AGRN: variants seen among roughly 807,000 people sequenced by gnomAD.
AGRN encodes agrin proteoglycan.
In AGRN, 106 loss-of-function variants were observed where a neutral mutation model predicts 211.0. That is an observed-to-expected ratio of 0.50 (90% CI 0.43 to 0.59). The LOEUF (loss-of-function observed/expected upper bound fraction) is 0.59. Ranked by LOEUF, AGRN falls within the 20% of genes least tolerant of loss-of-function variation. The probability of loss-of-function intolerance (pLI) is 0.00; values close to 1 mark genes in which losing one functional copy is unlikely to be tolerated. For missense variants in AGRN, 3,040 were observed against 2,982.6 expected (o/e 1.02, Z -0.45); for synonymous variants, 1,525 against 1,332.5 (o/e 1.14, Z -3.15).
At position 1,040,802 on chromosome 1, in the gene AGRN, T is replaced by C; in HGVS notation, c.649T>C (p.Tyr217His). The change falls in exon 4 of 36, where the codon TAC (tyrosine) becomes CAC (histidine). Residue 217 changes from tyrosine (Y) to histidine (H), a missense_variant. Tyr to His is a moderately conservative substitution (Grantham distance 83, BLOSUM62 2). Around this residue, in one of 3 missense-constraint regions of AGRN, gnomAD observed 1,498 missense variants for 1,457.8 expected, o/e 1.03. Coordinates refer to ENST00000379370, the MANE Select transcript of AGRN (RefSeq NM_198576.4). ...TGTGTGTGGGTCGGACGCCTCCACC[T>C]ACAGCAACGAATGCGAGCTGCAGCG... ...APVCGSDAST[Y>H]SNECELQRAQ... is the part of the protein sequence containing the mutation. 1 of 1,538,790 alleles carries C rather than the reference T, an allele frequency of 6.5e-7. No individual in the cohort carries two copies. Among genetic ancestry groups the C allele is most frequent in the Non-Finnish European group, 8.7e-7 (1 of 1,147,876 alleles).
chr1:1,022,117 C>T, intron 1 of AGRN, 84 bp from the exon 2 acceptor site: 1 of 1,544,666 alleles, frequency 6.5e-7, no homozygotes, highest in South Asian at 1.1e-5. Flanking sequence ...CTACTGTGGA[C>T]ATTTGCCCTA....
intron 2 of AGRN, among the ~76,000 whole-genome samples, chr1:1,026,768 C>G (rs969545214): frequency 1.3e-5 from 2 of 152,168 alleles, no homozygotes; most frequent in Admixed American, 6.5e-5. Flanking sequence ...ACCCCGGGGT[C>G]CCAGGAGGTG....
At chr1:1,029,627 G>A (rs1292399142) in intron 2 of AGRN, among the ~76,000 whole-genome samples, 2 of 92,732 alleles carry the variant, frequency 2.2e-5, no homozygotes, top group Non-Finnish European at 4.7e-5. Context: ...TGTGAGATCA[G>A]CATGTGTGTG....
chr1:1,045,615 G>T, intron 14 of AGRN, 92 bp downstream of exon 14: 3 of 1,606,132 alleles, frequency 1.9e-6, no homozygotes, highest in Non-Finnish European at 2.6e-6. Context: ...CCAGGCCCTG[G>T]CCTGACCCAC....
At chr1:1,041,824 CGGCCAGTGCCAGGGTCGAGGTGGG>C (rs1644950403) in intron 6 of AGRN, 108 bp from the exon 7 acceptor site, 4 of 1,221,980 alleles carry the variant, frequency 3.3e-6, no homozygotes, top group Middle Eastern at 2.7e-4. Flanking sequence ...GGGAGGGCTG[CGGCCAGTGCCAGGGTCGAGGTGGG>C]CGGCTCCCCT....
At chr1:1,038,078 C>T (rs2465130) in intron 3 of AGRN, among the ~76,000 whole-genome samples, 132,402 of 151,978 alleles carry the variant, frequency 0.87, 58,434 homozygotes, top group East Asian at 1. Context: ...AGATGTGTTT[C>T]CAGCCTGGAT....
In AGRN at chr1:1,047,993, C is replaced by T; in HGVS notation, c.3752-19C>T. ...TGGCCCTGCTCCCAGGAAACCCTAACAGCTCCCTGTGCCGGCAGACTGGTT... is the reference window on the plus strand; with the variant it reads ...TGGCCCTGCTCCCAGGAAACCCTAATAGCTCCCTGTGCCGGCAGACTGGTT... On this transcript the variant is annotated intron_variant, in intron 22 of 35. Transcript: ENST00000379370. 3.2e-6 allele frequency: 5 copies of T among 1,571,886 alleles called. No homozygotes were observed. Among genetic ancestry groups the T allele is most frequent in the Non-Finnish European group, 4.3e-6 (5 of 1,159,862 alleles).
chr1:1,052,367 C>T, intron 33 of AGRN: 3 of 340,230 alleles, frequency 8.8e-6, no homozygotes, highest in Non-Finnish European at 1.7e-5. Flanking sequence ...GTGTGAATAT[C>T]CAGCTGTGTG....
chr1:1,045,569 C>A, intron 14 of AGRN, 46 bp downstream of exon 14: 1 of 1,607,394 alleles, frequency 6.2e-7, no homozygotes, highest in East Asian at 2.2e-5. Flanking sequence ...GCCCTCCTAC[C>A]TGTTCACCCC....
At chr1:1,033,087 G>A (rs1268623623) in intron 2 of AGRN, among the ~76,000 whole-genome samples, 1 of 151,968 alleles carries the variant, frequency 6.6e-6, no homozygotes, top group East Asian at 1.9e-4. Context: ...GGGCCCGGAC[G>A]TTCCCGGAAC....
chr1:1,035,470 T>G (rs1327525644), intron 3 of AGRN, 146 bp downstream of exon 3: 3 of 1,135,972 alleles, frequency 2.6e-6, no homozygotes, highest in Non-Finnish European at 1.3e-6. Flanking sequence ...GTCCTGGGAG[T>G]CCGCAGCGGT....
rs867208955 is a variant in AGRN at position 1,048,311 on chromosome 1, G to A, written c.4051G>A (p.Gly1351Arg). 20 of 1,492,898 alleles carry A rather than the reference G, an allele frequency of 1.3e-5. No homozygotes were observed. The highest frequency in any genetic ancestry group is 1.1e-4 in the Admixed American group (5 of 44,444). 92.5% of individuals were successfully genotyped at this position (1,492,898 alleles called of 1,614,324 possible). Residue 1351 changes from glycine to arginine, a missense_variant, in exon 23 of 36, where the codon GGG (glycine) becomes AGG (arginine). Transcript: ENST00000379370. The surrounding 1 kb of genome is among the most constrained non-coding windows in gnomAD (Gnocchi z 5.9). ...GGTCQDWALGGGFTCSCPAGR... is the reference protein window; with the variant it reads ...GGTCQDWALGRGFTCSCPAGR... ...GACCTGCCAGGACTGGGCATTGGGC[G>A]GGGGCTTCACCTGCAGCTGCCCGGC...
chr1:1,041,886 C>T (rs1262667677), intron 6 of AGRN, 70 bp from the exon 7 acceptor site: 10 of 1,594,208 alleles, frequency 6.3e-6, no homozygotes, highest in Admixed American at 1.7e-5. Flanking sequence ...TCCCCTGCTC[C>T]CTGCACATCC....
intron 2 of AGRN, among the ~76,000 whole-genome samples, chr1:1,028,377 T>A (rs1644569482): frequency 1.1e-5 from 1 of 92,870 alleles, no homozygotes; most frequent in Non-Finnish European, 2.1e-5. Flanking sequence ...CACTGACCAC[T>A]CCACGCCAGC....
chr1:1,051,395 A>C (rs1645285304), intron 31 of AGRN, 26 bp downstream of exon 31: 2 of 1,196,580 alleles, frequency 1.7e-6, no homozygotes, highest in South Asian at 1.3e-5. Flanking sequence ...GCGTCCCAGC[A>C]GGGCCTCCGG....
In AGRN at chr1:1,048,428, G is replaced by A. The variant is rs1645165908; in HGVS notation, c.4105+63G>A. The A allele has an allele frequency of 8.1e-7, 1 of 1,240,046 alleles. No homozygotes were observed. Among genetic ancestry groups the A allele is most frequent in the East Asian group, 2.6e-5 (1 of 38,520 alleles). 76.8% of individuals were successfully genotyped at this position (1,240,046 alleles called of 1,614,324 possible). A position where few individuals can be genotyped will look rare whatever the true frequency, so the allele number is the denominator to read the frequency against. ...CAGGGTGGGGGCAAGGATTGGGGGT[G>A]GGGCTAAGCCACCATCAGGCTTTGA... On this transcript the variant is annotated intron_variant, in intron 23 of 35. Transcript: ENST00000379370. The surrounding 1 kb of genome is among the most constrained non-coding windows in gnomAD (Gnocchi z 5.9).
At position 1,047,772 on chromosome 1, in the gene AGRN, C is replaced by T. The variant is rs370599253; in HGVS notation, c.3632-4C>T. On this transcript the variant is annotated splice_region_variant and splice_polypyrimidine_tract_variant and intron_variant, in intron 21 of 35. Coordinates refer to ENST00000379370, the MANE Select transcript of AGRN (RefSeq NM_198576.4). ...TGCCATGCTCAGAGCTCCCTCCTCCCCAGCCACAGCCTTCAGGGCACCCGA... is the reference window on the plus strand; with the variant it reads ...TGCCATGCTCAGAGCTCCCTCCTCCTCAGCCACAGCCTTCAGGGCACCCGA... 2.5e-6 allele frequency: 4 copies of T among 1,608,770 alleles called. No homozygotes were observed. The African/African-American group carries it at 5.3e-5, about 21-fold the overall frequency.
intron 2 of AGRN, chr1:1,034,951 G>C: frequency 4.2e-6 from 2 of 474,486 alleles, no homozygotes; most frequent in Non-Finnish European, 7.6e-6. Flanking sequence ...GCTACACTGA[G>C]AGCCGGCAGT....
intron 2 of AGRN, among the ~76,000 whole-genome samples, chr1:1,033,142 C>T (rs1644710026): frequency 1.3e-5 from 2 of 152,002 alleles, no homozygotes; most frequent in Admixed American, 6.5e-5. Context: ...CAGGGAGTCC[C>T]CGCCGCAATT....
Sources: gnomAD v4.1 joint callset for allele counts (sites outside exome capture counted in the v4.1 genomes callset) on GRCh38, gnomAD v4.1.1 for gene constraint, gnomAD v4.1.1 regional missense constraint, Gnocchi (gnomAD v3.1) non-coding constraint, MANE v1.5 for transcripts, NCBI Gene and HGNC (gene_info 2026-07-23, HGNC 2026-07-21) for gene names.